The following FGGY variants were observed in gnomAD, a reference collection of about 807,000 sequenced individuals.
FGGY encodes the protein FGGY carbohydrate kinase domain containing.
Under a neutral mutation model 71.3 loss-of-function variants are expected in FGGY, and 72 were observed. The observed-to-expected ratio is 1.01, with a 90% CI of 0.84 to 1.23. FGGY has a LOEUF of 1.23. FGGY is among the 50% of genes most tolerant of loss of function. The pLI is 0.00. For synonymous variants in FGGY, 251 were observed against 250.3 expected, an observed-to-expected ratio of 1.00 and a Z score of -0.02; for missense variants, 668 against 682.3, an observed-to-expected ratio of 0.98 and a Z score of 0.23.
chr1:59,698,727 A>G, intron 14 of FGGY: 10 of 984,212 alleles, frequency 1.0e-5, no homozygotes, highest in African/African-American at 1.7e-5. Context: ...CTTTCACCAG[A>G]GTTGAGTTCG....
At chr1:59,719,383 G>A (rs2097868539) in intron 14 of FGGY, among the ~76,000 whole-genome samples, 1 of 152,100 alleles carries the variant, frequency 6.6e-6, no homozygotes, top group Non-Finnish European at 1.5e-5. Flanking sequence ...TCATCCTAGG[G>A]AAATTACTTA....
chr1:59,358,590 C>G (rs2054801648), intron 4 of FGGY, among the ~76,000 whole-genome samples: 1 of 152,172 alleles, frequency 6.6e-6, no homozygotes, highest in South Asian at 2.1e-4. Context: ...TAGAGCCTGC[C>G]ATGGACATTT....
At position 59,347,984 on chromosome 1, in the gene FGGY, C is replaced by G. The variant is rs949044370; in HGVS notation, c.465+1586C>G. 1.2e-4 allele frequency among the ~76,000 whole-genome samples: 18 copies of G among 152,240 alleles called. No individual in the cohort carries two copies. In the East Asian group the frequency reaches 2.3e-3, roughly 20 times the overall value. On this transcript the variant is annotated intron_variant, in intron 4 of 15. Transcript: ENST00000303721. ...ATCTCATTAAACTAAAGAGCTTCTG[C>G]ACAGCAAAAGAAACTACCATCAGAG...
chr1:59,589,594 A>G (rs2096386054), intron 8 of FGGY, among the ~76,000 whole-genome samples: 1 of 152,236 alleles, frequency 6.6e-6, no homozygotes, highest in Admixed American at 6.5e-5. Context: ...TGTCTCTCAG[A>G]CCACAGTGCA....
At chr1:59,754,150 T>G (rs944498470) in intron 14 of FGGY, among the ~76,000 whole-genome samples, 3 of 152,220 alleles carry the variant, frequency 2.0e-5, no homozygotes. Context: ...GAAAAGTTAG[T>G]GGTGTAGGAA....
chr1:59,496,181 G>A (rs1047212849), intron 6 of FGGY, among the ~76,000 whole-genome samples: 12 of 151,994 alleles, frequency 7.9e-5, no homozygotes, highest in East Asian at 3.9e-4. Context: ...TGTAATTCTC[G>A]TTGTAGAGAT....
rs141394151 is a variant in FGGY, at chr1:59,723,563, TG to T, written c.1513-34359del. Among the ~76,000 whole-genome samples, 616 of 129,046 alleles carry T rather than the reference TG, an allele frequency of 4.8e-3. 7 individuals are homozygous for T. The highest frequency in any genetic ancestry group is 0.016 in the African/African-American group (556 of 34,460). 84.7% of individuals were successfully genotyped at this position (129,046 alleles called of 152,430 possible). A position where few individuals can be genotyped will look rare whatever the true frequency, so the allele number is the denominator to read the frequency against. On this transcript the variant is annotated intron_variant, in intron 14 of 15. Coordinates refer to ENST00000303721, the MANE Select transcript of FGGY (RefSeq NM_018291.5). ...TTCTTGGCATTTTCTTGTTTTTTTTTGGGGGGGGGTGGTTGGGGGTTTTTTT... is the reference window on the plus strand; with the variant it reads ...TTCTTGGCATTTTCTTGTTTTTTTTTGGGGGGGGTGGTTGGGGGTTTTTTT...
rs142588243 is a variant in FGGY, at chr1:59,685,798, A to T, written c.1512+11665A>T. On this transcript the variant is annotated intron_variant, in intron 14 of 15. Transcript: ENST00000303721. ...TAAATGAGGTCTCGCTCTATTGCCC[A>T]GGCTGGAGCGCAGTGACATAATCAT... 3.7e-3 allele frequency among the ~76,000 whole-genome samples: 559 copies of T among 152,270 alleles called. 8 individuals are homozygous for T. Among genetic ancestry groups the T allele is most frequent in the African/African-American group, 0.013 (535 of 41,548 alleles).
intron 2 of FGGY, among the ~76,000 whole-genome samples, chr1:59,322,672 G>A (rs749266973): frequency 1.3e-5 from 2 of 152,194 alleles, no homozygotes; most frequent in Non-Finnish European, 2.9e-5. Flanking sequence ...TCCCATATAT[G>A]CCAGGCATAT....
chr1:59,525,786 A>G lies in FGGY; in HGVS notation c.799+13347A>G, dbSNP rs148300266. On this transcript the variant is annotated intron_variant, in intron 7 of 15. Coordinates refer to ENST00000303721, the MANE Select transcript of FGGY (RefSeq NM_018291.5). ...GACGTTCATAAACTCCCATTTAAAC[A>G]TATGTATTTATAGGTATATGTAAGT... 4.2e-3 allele frequency among the ~76,000 whole-genome samples: 634 copies of G among 152,274 alleles called. 3 individuals are homozygous for G. Among genetic ancestry groups the G allele is most frequent in the African/African-American group, 0.014 (593 of 41,554 alleles).
At chr1:59,331,619 A>G (rs559334659) in intron 2 of FGGY, among the ~76,000 whole-genome samples, 5 of 152,050 alleles carry the variant, frequency 3.3e-5, no homozygotes, top group Admixed American at 6.5e-5. Flanking sequence ...ACTTGCTAGT[A>G]TACTATATCT....
At chr1:59,540,657 A>T (rs1323479164) in intron 7 of FGGY, among the ~76,000 whole-genome samples, 1 of 152,224 alleles carries the variant, frequency 6.6e-6, no homozygotes, top group East Asian at 1.9e-4. Context: ...GTAGCTTTTT[A>T]ATGTAGGTTA....
intron 9 of FGGY, among the ~76,000 whole-genome samples, chr1:59,616,547 G>T (rs1194622656): frequency 6.6e-6 from 1 of 151,930 alleles, no homozygotes; most frequent in Non-Finnish European, 1.5e-5. Context: ...CGAGTTAATG[G>T]GTGCCGCACA....
intron 14 of FGGY, among the ~76,000 whole-genome samples, chr1:59,697,420 G>A (rs1320963102): frequency 1.3e-5 from 2 of 151,936 alleles, no homozygotes; most frequent in East Asian, 3.9e-4. Context: ...CTACTCTTTA[G>A]ATACCTCATA....
At chr1:59,674,775 T>A (rs533632338) in intron 14 of FGGY, among the ~76,000 whole-genome samples, 3 of 152,294 alleles carry the variant, frequency 2.0e-5, no homozygotes, top group African/African-American at 7.2e-5. Flanking sequence ...TCCCACCAAA[T>A]TGCGAAAGAC....
chr1:59,657,753 T>C (rs2097234403), intron 11 of FGGY, among the ~76,000 whole-genome samples: 1 of 152,184 alleles, frequency 6.6e-6, no homozygotes, highest in Non-Finnish European at 1.5e-5. Flanking sequence ...AGACAAAGGC[T>C]CTATATGAGG....
intron 8 of FGGY, among the ~76,000 whole-genome samples, chr1:59,559,306 T>C (rs1191654246): frequency 1.3e-5 from 2 of 152,222 alleles, no homozygotes; most frequent in Non-Finnish European, 2.9e-5. Context: ...AAAGTATTAT[T>C]TGGGAACTGA....
intron 5 of FGGY, among the ~76,000 whole-genome samples, chr1:59,454,376 T>G (rs191534171): frequency 6.6e-6 from 1 of 152,330 alleles, no homozygotes; most frequent in Admixed American, 6.5e-5. Context: ...TTGTATACTC[T>G]TCAGAACATG....
chr1:59,612,535 C>G (rs1425009307), intron 9 of FGGY, among the ~76,000 whole-genome samples: 2 of 152,116 alleles, frequency 1.3e-5, no homozygotes, highest in African/African-American at 4.8e-5. Flanking sequence ...CCAGCCACTG[C>G]AAAAACATGC....
Sources: allele counts gnomAD v4.1 joint callset (sites outside exome capture counted in the v4.1 genomes callset), GRCh38; gene constraint gnomAD v4.1.1; transcripts MANE v1.5; gene names NCBI Gene and HGNC (gene_info 2026-07-23, HGNC 2026-07-21).